BTLA: variants seen among roughly 807,000 people sequenced by gnomAD.
BTLA encodes the protein B and T lymphocyte associated.
In BTLA, 11 loss-of-function variants were observed where a neutral mutation model predicts 25.0. The ratio of observed to expected loss-of-function variants is 0.44; its 90% CI spans 0.28 to 0.73. The LOEUF (loss-of-function observed/expected upper bound fraction) is 0.73. BTLA is among the 30% of genes least tolerant of loss of function. The pLI is 0.15. For missense variants in BTLA, 282 were observed against 332.8 expected, an observed-to-expected ratio of 0.85 and a Z score of 1.19; for synonymous variants, 104 against 119.8, an observed-to-expected ratio of 0.87 and a Z score of 0.86.
At chr3:112,482,393 G>T (rs2082322744) in intron 1 of BTLA, among the ~76,000 whole-genome samples, 2 of 152,214 alleles carry the variant, frequency 1.3e-5, no homozygotes, top group Non-Finnish European at 1.5e-5. Flanking sequence ...CACACAGCTT[G>T]TCAGATGTTG....
rs1372998789 is a variant in BTLA at position 112,465,428 on chromosome 3, G to A, written c.*680C>T. The A allele has an allele frequency of 6.6e-6, 1 of 152,560 alleles. No individual in the cohort carries two copies. Among genetic ancestry groups the A allele is most frequent in the African/African-American group, 2.4e-5 (1 of 41,436 alleles). 9.5% of individuals were successfully genotyped at this position (152,560 alleles called of 1,614,324 possible). ...TTTCCTCATAAATGTGCTATACGTTGACTGCTCCATTAATACCTATATTTG... is the reference window on the plus strand; with the variant it reads ...TTTCCTCATAAATGTGCTATACGTTAACTGCTCCATTAATACCTATATTTG... On this transcript the variant is annotated 3_prime_UTR_variant, in exon 5 of 5. Coordinates refer to ENST00000334529, the MANE Select transcript of BTLA (RefSeq NM_181780.4).
chr3:112,464,638 T>G lies in BTLA; in HGVS notation c.*1470A>C. 6.5e-6 allele frequency: 1 copy of G among 153,466 alleles called. No individual in the cohort carries two copies. 9.5% of individuals were successfully genotyped at this position (153,466 alleles called of 1,614,324 possible). On this transcript the variant is annotated 3_prime_UTR_variant, in exon 5 of 5. Coordinates refer to ENST00000334529, the MANE Select transcript of BTLA (RefSeq NM_181780.4). ...ACAAAACCTCAGTTTTGTCTTTTTGTATATATACCCCACTTGTATTCTAAA... is the reference window on the plus strand; with the variant it reads ...ACAAAACCTCAGTTTTGTCTTTTTGGATATATACCCCACTTGTATTCTAAA...
At position 112,469,777 on chromosome 3, in the gene BTLA, G is replaced by T; in HGVS notation, c.575C>A (p.Ala192Glu). ...QGKQNELSDT[A>E]GREINLVDAH... ...GCTTACCAGGTTAATTTCCCTTCCT[G>T]CTGTGTCAGAGAGTTCATTTTGCTT... The change falls in exon 4 of 5, where the codon GCA becomes GAA. Residue 192 changes from alanine (A) to glutamate (E), a missense_variant. Ala to Glu is a moderately radical substitution (Grantham distance 107, BLOSUM62 -1). Around this residue, in one of 2 missense-constraint regions of BTLA, gnomAD observed 163 missense variants for 230.4 expected, o/e 0.71. Transcript: ENST00000334529. The T allele has an allele frequency of 6.2e-7, 1 of 1,607,842 alleles. No homozygotes were observed.
upstream of BTLA, chr3:112,499,540 GA>G: frequency 3.7e-6 from 2 of 535,310 alleles, no homozygotes; most frequent in South Asian, 3.0e-5. Context: ...ATGATTTTGT[GA>G]AAAAAAGTGA....
rs986333159 is a variant in BTLA at position 112,468,188 on chromosome 3, G to A, written c.594+1570C>T. Among the ~76,000 whole-genome samples, 6 of 152,310 alleles carry A rather than the reference G, an allele frequency of 3.9e-5. No individual in the cohort carries two copies. In the East Asian group the frequency reaches 7.7e-4, roughly 20 times the overall value. ...GTATATGTTTAGATGTAATTCACAT[G>A]CCATAAAATTCACCCTTTTAAGTGT... On this transcript the variant is annotated intron_variant, in intron 4 of 4. Transcript: ENST00000334529.
At chr3:112,488,228 C>CTTTTT (rs546779181) in intron 1 of BTLA, among the ~76,000 whole-genome samples, 5 of 124,842 alleles carry the variant, frequency 4.0e-5, no homozygotes, top group East Asian at 2.3e-4. Context: ...TTTCTTTTTT[C>CTTTTT]TTTTTTTTTT....
chr3:112,480,879 T>C (rs935994595), intron 1 of BTLA, among the ~76,000 whole-genome samples: 10 of 152,328 alleles, frequency 6.6e-5, no homozygotes, highest in Non-Finnish European at 1.3e-4. Flanking sequence ...TTTAATTTAT[T>C]GCAGAATCAA....
intron 2 of BTLA, among the ~76,000 whole-genome samples, chr3:112,475,418 G>A (rs372967491): frequency 6.6e-6 from 1 of 152,146 alleles, no homozygotes; most frequent in African/African-American, 2.4e-5. Context: ...ATTTAGGAGG[G>A]AATGTTATTC....
In BTLA at chr3:112,479,783, A is replaced by G; in HGVS notation, c.89-14T>C. 1 of 1,552,394 alleles carries G rather than the reference A, an allele frequency of 6.4e-7. No homozygotes were observed. Among genetic ancestry groups the G allele is most frequent in the Non-Finnish European group, 8.7e-7 (1 of 1,144,430 alleles). ...ATGATTCTTTCCCTAAAAGATAAAA[A>G]CAAAACTAAAATCAAATATGTTCTT... On this transcript the variant is annotated splice_polypyrimidine_tract_variant and intron_variant, in intron 1 of 4. Coordinates refer to ENST00000334529, the MANE Select transcript of BTLA (RefSeq NM_181780.4).
intron 1 of BTLA, among the ~76,000 whole-genome samples, chr3:112,484,533 C>T (rs906027524): frequency 1.4e-4 from 21 of 152,164 alleles, no homozygotes; most frequent in African/African-American, 4.6e-4. Context: ...ACACACACAA[C>T]TTCACCTTCC....
intron 1 of BTLA, among the ~76,000 whole-genome samples, chr3:112,486,651 G>T (rs1412615332): frequency 6.6e-6 from 1 of 151,938 alleles, no homozygotes; most frequent in African/African-American, 2.4e-5. Context: ...ATACAATTTA[G>T]GTAACTACTA....
chr3:112,480,626 A>G (rs2082313063), intron 1 of BTLA, among the ~76,000 whole-genome samples: 1 of 152,182 alleles, frequency 6.6e-6, no homozygotes, highest in Non-Finnish European at 1.5e-5. Flanking sequence ...GCCAAAATTT[A>G]TCCTTTTATC....
chr3:112,485,210 A>G (rs1041081824), intron 1 of BTLA, among the ~76,000 whole-genome samples: 3 of 151,512 alleles, frequency 2.0e-5, no homozygotes, highest in Non-Finnish European at 4.4e-5. Context: ...ACGCCCGGCT[A>G]ATTTTTGTAT....
At chr3:112,491,637 T>C (rs555980846) in intron 1 of BTLA, among the ~76,000 whole-genome samples, 4 of 152,240 alleles carry the variant, frequency 2.6e-5, no homozygotes, top group South Asian at 2.1e-4. Flanking sequence ...TGAGAACATA[T>C]AGGAAATATT....
At chr3:112,477,812 A>G (rs2082296796) in intron 2 of BTLA, among the ~76,000 whole-genome samples, 2 of 151,958 alleles carry the variant, frequency 1.3e-5, no homozygotes, top group Admixed American at 6.6e-5. Flanking sequence ...ATGGAGTGAG[A>G]TGAGGGTTCA....
At chr3:112,473,664 G>C (rs2082274960) in intron 2 of BTLA, among the ~76,000 whole-genome samples, 1 of 145,612 alleles carries the variant, frequency 6.9e-6, no homozygotes, top group African/African-American at 2.6e-5. Flanking sequence ...ACCCAGGCTG[G>C]AGTGCAGTGG....
chr3:112,486,499 A>G (rs1167165131), intron 1 of BTLA, among the ~76,000 whole-genome samples: 2 of 152,320 alleles, frequency 1.3e-5, no homozygotes, highest in East Asian at 3.9e-4. Flanking sequence ...AGAAAAATGC[A>G]CAGGTATTTA....
At chr3:112,497,356 A>G (rs1162674875) in intron 1 of BTLA, among the ~76,000 whole-genome samples, 2 of 152,216 alleles carry the variant, frequency 1.3e-5, no homozygotes, top group African/African-American at 4.8e-5. Flanking sequence ...TAAAGAGAAG[A>G]GAAGAGACTT....
At chr3:112,492,666 TACTAAACAATACTTATGTGGACA>T (rs2082386541) in intron 1 of BTLA, among the ~76,000 whole-genome samples, 2 of 152,208 alleles carry the variant, frequency 1.3e-5, no homozygotes, top group Non-Finnish European at 2.9e-5. Flanking sequence ...CCCTTGAAGA[TACTAAACAATACTTATGTGGACA>T]GAATCTGCTA....
Sources: gnomAD v4.1 joint callset for allele counts (sites outside exome capture counted in the v4.1 genomes callset) on GRCh38, gnomAD v4.1.1 for gene constraint, gnomAD v4.1.1 regional missense constraint, MANE v1.5 for transcripts, NCBI Gene and HGNC (gene_info 2026-07-23, HGNC 2026-07-21) for gene names.